The following RIT2 variants were observed in gnomAD, a reference collection of about 807,000 sequenced individuals.
The protein encoded by RIT2 is GTP-binding protein Rit2.
A neutral mutation model predicts 23.7 loss-of-function variants in RIT2; 24 were observed. The ratio of observed to expected loss-of-function variants is 1.01; its 90% CI spans 0.73 to 1.43. The LOEUF (loss-of-function observed/expected upper bound fraction) is 1.43, where lower values mean the gene tolerates loss of function less well. RIT2 is among the 40% of genes most tolerant of loss of function. The probability of loss-of-function intolerance (pLI) is 0.00; values close to 1 mark genes in which losing one functional copy is unlikely to be tolerated. For synonymous variants in RIT2, 107 were observed against 91.1 expected (o/e 1.17, Z -0.99); for missense variants, 236 against 266.9 (o/e 0.88, Z 0.81).
chr18:42,759,593 A>G (rs1433341593), intron 4 of RIT2, among the ~76,000 whole-genome samples: 1 of 151,778 alleles, frequency 6.6e-6, no homozygotes, highest in African/African-American at 2.4e-5. Context: ...TGGGGCAATC[A>G]GGCTTGCATT....
intron 4 of RIT2, among the ~76,000 whole-genome samples, chr18:42,914,998 T>C (rs1414219865): frequency 3.3e-5 from 1 of 30,218 alleles, no homozygotes; most frequent in Admixed American, 4.8e-4. Flanking sequence ...TGTGGTTGAG[T>C]TAAAGTAAAA....
At chr18:42,957,246 C>G (rs1231269816) in intron 3 of RIT2, among the ~76,000 whole-genome samples, 1 of 152,062 alleles carries the variant, frequency 6.6e-6, no homozygotes, top group Non-Finnish European at 1.5e-5. Flanking sequence ...CATAATGCAT[C>G]CTTCATGCTT....
intron 1 of RIT2, among the ~76,000 whole-genome samples, chr18:43,076,232 A>G (rs1913010365): frequency 6.6e-6 from 1 of 152,236 alleles, no homozygotes. Context: ...CAGAATGGTG[A>G]CAAAAAGAGG....
chr18:42,837,527 C>A (rs1297233418), intron 4 of RIT2, among the ~76,000 whole-genome samples: 2 of 151,966 alleles, frequency 1.3e-5, no homozygotes, highest in African/African-American at 4.8e-5. Context: ...TGATCATATG[C>A]AGTTTATGGG....
In RIT2 at chr18:43,039,770, A is replaced by G. The variant is rs1912084873; in HGVS notation, c.104-5903T>C. Among the ~76,000 whole-genome samples, 3 of 152,206 alleles carry G rather than the reference A, an allele frequency of 2.0e-5. 1 individual carries two copies. The highest frequency in any genetic ancestry group is 4.4e-5 in the Non-Finnish European group (3 of 68,038). ...GGATGTATGGAGAAATTCAGATTCAAGAGGCCAACTATATTCTCCTATTCA... is the reference window on the plus strand; with the variant it reads ...GGATGTATGGAGAAATTCAGATTCAGGAGGCCAACTATATTCTCCTATTCA... On this transcript the variant is annotated intron_variant, in intron 1 of 4. Coordinates refer to ENST00000326695, the MANE Select transcript of RIT2 (RefSeq NM_002930.4).
rs183923330 is a variant in RIT2, at chr18:43,069,172, T to C, written c.104-35305A>G. On this transcript the variant is annotated intron_variant, in intron 1 of 4. Coordinates refer to ENST00000326695, the MANE Select transcript of RIT2 (RefSeq NM_002930.4). ...ATTAATCCTTTATCACAAACCCTTG[T>C]AGCAGAGCACATCTCCCTGTGATTT... 3.3e-5 allele frequency among the ~76,000 whole-genome samples: 5 copies of C among 152,302 alleles called. No homozygotes were observed. The East Asian group carries it at 7.7e-4, about 24-fold the overall frequency.
intron 2 of RIT2, among the ~76,000 whole-genome samples, chr18:43,025,444 G>A (rs1001573590): frequency 2.0e-5 from 3 of 151,852 alleles, no homozygotes; most frequent in Non-Finnish European, 4.4e-5. Flanking sequence ...CTACTCCAAG[G>A]AAAATAAATC....
At chr18:42,957,825 T>A (rs1356609340) in intron 3 of RIT2, among the ~76,000 whole-genome samples, 1 of 152,138 alleles carries the variant, frequency 6.6e-6, no homozygotes, top group Non-Finnish European at 1.5e-5. Flanking sequence ...TAATTAATAA[T>A]AATTTACTTA....
chr18:43,010,902 A>G (rs1228027342), intron 2 of RIT2, among the ~76,000 whole-genome samples: 7 of 151,828 alleles, frequency 4.6e-5, no homozygotes, highest in Admixed American at 1.3e-4. Flanking sequence ...ATATGGGAGA[A>G]CAATAGCTGT....
At chr18:42,956,608 G>T (rs1369423414) in intron 3 of RIT2, among the ~76,000 whole-genome samples, 1 of 152,088 alleles carries the variant, frequency 6.6e-6, no homozygotes, top group East Asian at 1.9e-4. Flanking sequence ...TGCATCTGTG[G>T]TCAAATTGCC....
chr18:43,064,386 G>A (rs1912722668), intron 1 of RIT2, among the ~76,000 whole-genome samples: 1 of 152,112 alleles, frequency 6.6e-6, no homozygotes, highest in Non-Finnish European at 1.5e-5. Context: ...TTATTCCCCT[G>A]ACTGCAGTAG....
At chr18:42,999,405 C>A (rs952944304) in intron 2 of RIT2, among the ~76,000 whole-genome samples, 1 of 151,948 alleles carries the variant, frequency 6.6e-6, no homozygotes, top group East Asian at 1.9e-4. Flanking sequence ...AAAGAAACTA[C>A]CTGGAAGTGT....
rs1910582132 is a variant in RIT2 at position 42,980,804 on chromosome 18, T to G, written c.161-6657A>C. On this transcript the variant is annotated intron_variant, in intron 2 of 4. Transcript: ENST00000326695. ...GGAAGATGTCATTTTAAACAATGAC[T>G]TATCAGATCAAGGACAAGCAGATGG... Among the ~76,000 whole-genome samples, 6 of 152,162 alleles carry G rather than the reference T, an allele frequency of 3.9e-5. No individual in the cohort carries two copies. In the South Asian group the frequency reaches 1.2e-3, roughly 32 times the overall value.
chr18:43,033,717 T>C, intron 2 of RIT2, 94 bp downstream of exon 2: 2 of 855,574 alleles, frequency 2.3e-6, no homozygotes, highest in Non-Finnish European at 3.9e-6. Flanking sequence ...TAGAGTAAAT[T>C]ATATTTATTT....
chr18:43,105,680 G>A (rs910909789), intron 1 of RIT2, among the ~76,000 whole-genome samples: 6 of 152,152 alleles, frequency 3.9e-5, no homozygotes, highest in South Asian at 2.1e-4. Context: ...CCTGTGCAAC[G>A]TCAAGTGTTG....
chr18:42,878,130 T>C (rs78070142), intron 4 of RIT2, among the ~76,000 whole-genome samples: 15,737 of 150,520 alleles, frequency 0.1, 951 homozygotes, highest in Middle Eastern at 0.24. Context: ...TATATACACA[T>C]ATAGTTGACC....
chr18:42,763,030 T>C (rs1032466355), intron 4 of RIT2, among the ~76,000 whole-genome samples: 2 of 152,236 alleles, frequency 1.3e-5, no homozygotes, highest in African/African-American at 4.8e-5. Context: ...CTAAGCTATA[T>C]GATATAGCCT....
At chr18:42,926,828 T>C (rs777454018) in intron 3 of RIT2, among the ~76,000 whole-genome samples, 2 of 151,992 alleles carry the variant, frequency 1.3e-5, no homozygotes, top group Non-Finnish European at 2.9e-5. Flanking sequence ...AATATATAAC[T>C]GAATGTATGC....
At chr18:42,835,414 C>G (rs1371424551) in intron 4 of RIT2, among the ~76,000 whole-genome samples, 1 of 152,068 alleles carries the variant, frequency 6.6e-6, no homozygotes, top group East Asian at 1.9e-4. Flanking sequence ...AACCTATGTT[C>G]TATATTGGCC....
Sources: gnomAD v4.1 joint callset for allele counts (sites outside exome capture counted in the v4.1 genomes callset) on GRCh38, gnomAD v4.1.1 for gene constraint, MANE v1.5 for transcripts, NCBI Gene and HGNC (gene_info 2026-07-23, HGNC 2026-07-21) for gene names.